Variants in PAK1 observed in about 807,000 individuals in gnomAD.
PAK1 encodes the protein serine/threonine-protein kinase PAK 1.
Under a neutral mutation model 67.4 loss-of-function variants are expected in PAK1, and 29 were observed. The observed-to-expected ratio is 0.43, with a 90% CI of 0.32 to 0.59. The LOEUF (loss-of-function observed/expected upper bound fraction) is 0.59. Ranked by LOEUF, PAK1 falls within the 20% of genes least tolerant of loss-of-function variation. The pLI is 0.07. For synonymous variants in PAK1, 223 were observed against 237.4 expected (o/e 0.94, Z 0.56); for missense variants, 337 against 670.7 (o/e 0.50, Z 5.50).
chr11:77,324,642 T>C (rs550462548), intron 14 of PAK1, among the ~76,000 whole-genome samples: 2 of 152,228 alleles, frequency 1.3e-5, no homozygotes, highest in Admixed American at 1.3e-4. Context: ...TACCAGGAAA[T>C]TGAGAACCAG....
At chr11:77,396,771 C>T (rs1370156460) in intron 1 of PAK1, among the ~76,000 whole-genome samples, 2 of 151,418 alleles carry the variant, frequency 1.3e-5, no homozygotes, top group African/African-American at 2.4e-5. Context: ...TTAATCACTT[C>T]CTTCTGAACT....
chr11:77,423,685 T>C (rs1188385730), intron 1 of PAK1, among the ~76,000 whole-genome samples: 1 of 152,158 alleles, frequency 6.6e-6, no homozygotes, highest in African/African-American at 2.4e-5. Flanking sequence ...GGTTGGAAAA[T>C]TCTGCAAAAG....
the PAK1 span, among the ~76,000 whole-genome samples, chr11:77,492,990 G>A: frequency 9.2e-5 from 14 of 152,186 alleles, no homozygotes; most frequent in African/African-American, 2.9e-4. Context: ...GCAGAACTGC[G>A]TGCCCATTAA....
chr11:77,364,447 C>T (rs961864701), intron 5 of PAK1, among the ~76,000 whole-genome samples: 1 of 152,074 alleles, frequency 6.6e-6, no homozygotes, highest in Non-Finnish European at 1.5e-5. Context: ...AACAAAACCA[C>T]CACAAAAACA....
At chr11:77,462,186 C>T (rs909839738) in intron 1 of PAK1, among the ~76,000 whole-genome samples, 17 of 152,070 alleles carry the variant, frequency 1.1e-4, no homozygotes, top group Admixed American at 3.3e-4. Flanking sequence ...AAAAAATTAG[C>T]CAGGCGTGGT....
chr11:77,366,108 C>T (rs1387498765), intron 5 of PAK1, among the ~76,000 whole-genome samples: 1 of 152,098 alleles, frequency 6.6e-6, no homozygotes, highest in Non-Finnish European at 1.5e-5. Flanking sequence ...CTATACCCAA[C>T]AAAACTATCC....
At position 77,379,331 on chromosome 11, in the gene PAK1, G is replaced by A; in HGVS notation, c.349C>T (p.Gln117Ter). The A allele has an allele frequency of 6.2e-7, 1 of 1,613,890 alleles. No individual in the cohort carries two copies. The highest frequency in any genetic ancestry group is 8.5e-7 in the Non-Finnish European group (1 of 1,179,938). Residue 117 changes from glutamine to a stop codon, truncating the protein, a stop_gained, in exon 4 of 15, where the codon CAG becomes TAG. Coordinates refer to ENST00000356341, the MANE Select transcript of PAK1 (RefSeq NM_002576.5). LOFTEE classifies it high-confidence loss of function. ...AGAACAGCCTGCGGGTTTTTCTTCT[G>A]CTCCGACTTAGTGATATTTGATGTC... ...LQTSNITKSE[Q>*]KKNPQAVLDV...
chr11:77,445,300 TGA>T (rs922912196), intron 1 of PAK1, among the ~76,000 whole-genome samples: 1 of 152,196 alleles, frequency 6.6e-6, no homozygotes, highest in Admixed American at 6.5e-5. Flanking sequence ...CCTCTAGAAC[TGA>T]GAGACCACAA....
chr11:77,470,333 C>G (rs28561651), intron 1 of PAK1, among the ~76,000 whole-genome samples: 5,012 of 152,250 alleles, frequency 0.033, 144 homozygotes, highest in African/African-American at 0.077. Flanking sequence ...CTTTCTCCCC[C>G]CCTTTATGAT....
chr11:77,406,447 A>G lies in PAK1; in HGVS notation c.-21-13906T>C, dbSNP rs749849776. Among the ~76,000 whole-genome samples the G allele has an allele frequency of 4.6e-5, 7 of 152,362 alleles. No individual in the cohort carries two copies. The East Asian group carries it at 9.6e-4, about 21-fold the overall frequency. On this transcript the variant is annotated intron_variant, in intron 1 of 14. Transcript: ENST00000356341. ...CTTTTGTAAGTCTGCTGTGCTTACC[A>G]AAGTATACTCAGCAACTAAATAGGA...
intron 1 of PAK1, among the ~76,000 whole-genome samples, chr11:77,421,726 A>G (rs996026002): frequency 6.6e-6 from 1 of 152,254 alleles, no homozygotes. Flanking sequence ...AGAGTGGCCT[A>G]AAGTAATTGT....
At chr11:77,455,085 G>A (rs3015984) in intron 1 of PAK1, among the ~76,000 whole-genome samples, 106,215 of 152,026 alleles carry the variant, frequency 0.7, 37,892 homozygotes, top group African/African-American at 0.84. Flanking sequence ...GATGGAAGCC[G>A]GCTTGTGGAT....
the PAK1 span, among the ~76,000 whole-genome samples, chr11:77,494,555 A>G: frequency 6.6e-6 from 1 of 151,878 alleles, no homozygotes; most frequent in East Asian, 1.9e-4. Flanking sequence ...AGGAACATAC[A>G]AAGATGTCAG....
chr11:77,489,252 C>A, the PAK1 span, among the ~76,000 whole-genome samples: 7 of 152,244 alleles, frequency 4.6e-5, no homozygotes, highest in Admixed American at 4.6e-4. Context: ...AATAGCCAGA[C>A]AAACAAAAGC....
the PAK1 span, among the ~76,000 whole-genome samples, chr11:77,523,208 C>T: frequency 6.6e-6 from 1 of 151,990 alleles, no homozygotes; most frequent in Non-Finnish European, 1.5e-5. Context: ...GCACATGTAC[C>T]CCTGAATCTA....
intron 5 of PAK1, among the ~76,000 whole-genome samples, chr11:77,369,875 T>C (rs921407177): frequency 5.3e-5 from 8 of 152,216 alleles, no homozygotes; most frequent in African/African-American, 1.9e-4. Flanking sequence ...TTTTTAAAAG[T>C]TATTTCCTGA....
At chr11:77,347,819 T>C (rs116703802) in intron 9 of PAK1, among the ~76,000 whole-genome samples, 196 of 152,348 alleles carry the variant, frequency 1.3e-3, no homozygotes, top group African/African-American at 4.4e-3. Flanking sequence ...TAATGCATTT[T>C]CACATGTATT....
intron 1 of PAK1, among the ~76,000 whole-genome samples, chr11:77,422,267 A>C (rs765341241): frequency 2.6e-5 from 4 of 152,140 alleles, no homozygotes; most frequent in Admixed American, 6.5e-5. Flanking sequence ...CCATATTAAA[A>C]AGTCACTAAA....
upstream of PAK1, chr11:77,477,053 C>T (rs930530429): frequency 2.0e-5 from 3 of 152,174 alleles, no homozygotes; most frequent in Admixed American, 1.3e-4. Context: ...TAATTTGTTA[C>T]AGCATCCATA....
Sources: gnomAD v4.1 joint callset for allele counts (sites outside exome capture counted in the v4.1 genomes callset) on GRCh38, gnomAD v4.1.1 for gene constraint, MANE v1.5 for transcripts, NCBI Gene and HGNC (gene_info 2026-07-23, HGNC 2026-07-21) for gene names.